THSD7A: variants seen among roughly 807,000 people sequenced by gnomAD.
THSD7A encodes thrombospondin type 1 domain containing 7A.
In THSD7A, 96 loss-of-function variants were observed where a neutral mutation model predicts 231.3. The ratio of observed to expected loss-of-function variants is 0.41; its 90% CI spans 0.35 to 0.49. The LOEUF (loss-of-function observed/expected upper bound fraction) is 0.49. THSD7A is among the 20% of genes least tolerant of loss of function. The probability of loss-of-function intolerance (pLI) is 0.05; values close to 1 mark genes in which losing one functional copy is unlikely to be tolerated. For synonymous variants in THSD7A, 940 were observed against 743.3 expected (o/e 1.26, Z -4.30); for missense variants, 2,290 against 2,070.2 (o/e 1.11, Z -2.06).
chr7:11,778,634 G>T (rs1196020795), intron 1 of THSD7A, among the ~76,000 whole-genome samples: 1 of 152,056 alleles, frequency 6.6e-6, no homozygotes, highest in Non-Finnish European at 1.5e-5. Context: ...AACACTTTTA[G>T]AAGTATTAAG....
In THSD7A at chr7:11,371,428, C is replaced by G. The variant is rs1436245624; in HGVS notation, c.*4366G>C. The G allele has an allele frequency of 6.6e-6, 1 of 152,162 alleles. No homozygotes were observed. The highest frequency in any genetic ancestry group is 1.9e-4 in the East Asian group (1 of 5,188). 9.4% of individuals were successfully genotyped at this position (152,162 alleles called of 1,614,324 possible). The stretch of plus-strand genomic sequence containing the variant: ...AAGATCACATTCTGACAAGATTCCT[C>G]ACAGATTTGCTCAAGGACTACTGTT... On this transcript the variant is annotated 3_prime_UTR_variant, in exon 28 of 28. Transcript: ENST00000423059.
chr7:11,768,179 T>C (rs1381481250), intron 1 of THSD7A, among the ~76,000 whole-genome samples: 1 of 152,176 alleles, frequency 6.6e-6, no homozygotes, highest in Non-Finnish European at 1.5e-5. Flanking sequence ...TGATGGTTCT[T>C]ATGTTAATAT....
chr7:11,493,504 C>G (rs1046726772), intron 6 of THSD7A, among the ~76,000 whole-genome samples: 1 of 152,006 alleles, frequency 6.6e-6, no homozygotes, highest in African/African-American at 2.4e-5. Flanking sequence ...TTAAAGGTCC[C>G]TAATGCTTCT....
chr7:11,801,993 A>T (rs928729232), intron 1 of THSD7A, among the ~76,000 whole-genome samples: 8 of 152,192 alleles, frequency 5.3e-5, no homozygotes, highest in African/African-American at 1.9e-4. Context: ...TTTCAATATG[A>T]TGTTAAAGGT....
chr7:11,515,283 C>T (rs1283221465), intron 6 of THSD7A, among the ~76,000 whole-genome samples: 1 of 152,124 alleles, frequency 6.6e-6, no homozygotes, highest in Non-Finnish European at 1.5e-5. Flanking sequence ...GATACTTTAA[C>T]TGAATATTCA....
rs1019419099 is a variant in THSD7A, at chr7:11,379,057, C to T, written c.4801+13G>A. ...TAAAGGTTTCTCTTTCAACACTAGT[C>T]TAGTCAGTTCACCTGGCCCAAATGG... is the stretch of plus-strand genomic sequence containing the variant. On this transcript the variant is annotated intron_variant, in intron 26 of 27. Coordinates refer to ENST00000423059, the MANE Select transcript of THSD7A (RefSeq NM_015204.3). The T allele has an allele frequency of 1.2e-6, 2 of 1,612,290 alleles. No homozygotes were observed. Among genetic ancestry groups the T allele is most frequent in the Middle Eastern group, 1.8e-4 (1 of 5,416 alleles).
At chr7:11,478,229 A>G (rs1207036214) in intron 7 of THSD7A, among the ~76,000 whole-genome samples, 1 of 151,838 alleles carries the variant, frequency 6.6e-6, no homozygotes, top group Non-Finnish European at 1.5e-5. Context: ...TGACAGAAAC[A>G]CTCCTCAACT....
At chr7:11,593,118 T>G in intron 3 of THSD7A, 136 bp downstream of exon 3, 7 of 1,260,708 alleles carry the variant, frequency 5.6e-6, no homozygotes, top group Non-Finnish European at 7.4e-6. Context: ...TAAAAAAAGT[T>G]TTTTTTAAGG....
rs759311106 is a variant in THSD7A, at chr7:11,593,374, C to A, written c.1151G>T (p.Gly384Val). Residue 384 changes from glycine to valine, a missense_variant, in exon 3 of 28, where the codon GGC (glycine) becomes GTC (valine). Gly to Val is a moderately radical substitution (Grantham distance 109, BLOSUM62 -3). Transcript: ENST00000423059. ...KTCHDMVSPAGTRVRTRTIRQ... is the reference protein window; with the variant it reads ...KTCHDMVSPAVTRVRTRTIRQ... ...GATGGTTCGTGTCCTTACACGAGTG[C>A]CTGCAGGGGACACCATGTCATGGCA... 10 of 1,613,902 alleles carry A rather than the reference C, an allele frequency of 6.2e-6. No homozygotes were observed. In the East Asian group the frequency reaches 2.2e-4, roughly 36 times the overall value.
chr7:11,516,720 C>T (rs1041461782), intron 6 of THSD7A, among the ~76,000 whole-genome samples: 1 of 152,060 alleles, frequency 6.6e-6, no homozygotes, highest in Non-Finnish European at 1.5e-5. Flanking sequence ...ATTTAAATTG[C>T]ATTTTAAAGG....
At chr7:11,762,326 T>C (rs1299143116) in intron 1 of THSD7A, among the ~76,000 whole-genome samples, 3 of 152,172 alleles carry the variant, frequency 2.0e-5, no homozygotes, top group East Asian at 1.9e-4. Context: ...CTGATTTTCA[T>C]AGGTGTTGAA....
At position 11,636,724 on chromosome 7, in the gene THSD7A, G is replaced by A. The variant is rs781396905; in HGVS notation, c.428C>T (p.Pro143Leu). Residue 143 changes from proline to leucine, a missense_variant, in exon 2 of 28, where the codon CCT becomes CTT. Pro to Leu is a moderately conservative substitution (Grantham distance 98, BLOSUM62 -3). Coordinates refer to ENST00000423059, the MANE Select transcript of THSD7A (RefSeq NM_015204.3). This position sits in a 1 kb window ranked among gnomAD's most constrained non-coding sequence, Gnocchi z 10.0. ...TTCTTCCCCCTTAATGCACTCAAGAGGTTTCTCTAGGCTTTTTGAAATCAC... is the reference window on the plus strand; with the variant it reads ...TTCTTCCCCCTTAATGCACTCAAGAAGTTTCTCTAGGCTTTTTGAAATCAC... Reference protein sequence around the residue: ...QPVISKSLEKPLECIKGEEGI... With the variant: ...QPVISKSLEKLLECIKGEEGI... 4.3e-6 allele frequency: 7 copies of A among 1,613,966 alleles called. No individual in the cohort carries two copies. The highest frequency in any genetic ancestry group is 4.5e-5 in the East Asian group (2 of 44,884).
chr7:11,780,462 T>C (rs1198138084), intron 1 of THSD7A, among the ~76,000 whole-genome samples: 2 of 152,098 alleles, frequency 1.3e-5, no homozygotes, highest in Non-Finnish European at 2.9e-5. Context: ...ACATTTTGAG[T>C]TTACTCAAGC....
intron 1 of THSD7A, among the ~76,000 whole-genome samples, chr7:11,788,881 G>A (rs1423201537): frequency 6.6e-6 from 1 of 151,914 alleles, no homozygotes; most frequent in Non-Finnish European, 1.5e-5. Context: ...AAAGGAATAG[G>A]TAATCAATAA....
At chr7:11,525,638 T>C (rs1788440772) in intron 6 of THSD7A, among the ~76,000 whole-genome samples, 1 of 152,170 alleles carries the variant, frequency 6.6e-6, no homozygotes, top group Non-Finnish European at 1.5e-5. Flanking sequence ...AGTGTATATG[T>C]ATAATGCTTG....
At chr7:11,784,462 T>C (rs1295579976) in intron 1 of THSD7A, among the ~76,000 whole-genome samples, 1 of 151,966 alleles carries the variant, frequency 6.6e-6, no homozygotes, top group Non-Finnish European at 1.5e-5. Context: ...TCTTTCATAA[T>C]TTCCAAGTGT....
intron 1 of THSD7A, among the ~76,000 whole-genome samples, chr7:11,711,108 C>T (rs1226881217): frequency 6.6e-6 from 1 of 150,736 alleles, no homozygotes; most frequent in African/African-American, 2.4e-5. Flanking sequence ...TTTCCAAGGA[C>T]CACTAAAAAG....
intron 13 of THSD7A, among the ~76,000 whole-genome samples, chr7:11,435,362 T>G (rs1784601112): frequency 6.6e-6 from 1 of 152,074 alleles, no homozygotes; most frequent in African/African-American, 2.4e-5. Context: ...TACTTATGAT[T>G]TTATGCTGTA....
chr7:11,723,408 T>C (rs1781429762), intron 1 of THSD7A, among the ~76,000 whole-genome samples: 1 of 151,698 alleles, frequency 6.6e-6, no homozygotes, highest in African/African-American at 2.4e-5. Context: ...CACACAAATA[T>C]GGCACATGTA....
Sources: allele counts gnomAD v4.1 joint callset (sites outside exome capture counted in the v4.1 genomes callset), GRCh38; gene constraint gnomAD v4.1.1; non-coding constraint Gnocchi (gnomAD v3.1); transcripts MANE v1.5; gene names NCBI Gene and HGNC (gene_info 2026-07-23, HGNC 2026-07-21).